Variants in FANCB observed in about 807,000 individuals in gnomAD.
The protein encoded by FANCB is FA complementation group B.
In FANCB, 5 loss-of-function variants were observed where a neutral mutation model predicts 38.9. That is an observed-to-expected ratio of 0.13 (90% confidence interval 0.07 to 0.27). FANCB has a LOEUF of 0.27. FANCB is among the 10% of genes least tolerant of loss of function. The probability of loss-of-function intolerance (pLI) is 1.00; values close to 1 mark genes in which losing one functional copy is unlikely to be tolerated. For synonymous variants in FANCB, 236 were observed against 215.4 expected (o/e 1.10, Z -0.84); for missense variants, 573 against 602.7 (o/e 0.95, Z 0.52).
rs751885600 is a variant in FANCB at position 14,844,949 on chromosome X, C to T, written c.1834G>A (p.Asp612Asn). The T allele has an allele frequency of 8.3e-7, 1 of 1,203,829 alleles. No homozygotes were observed. The highest frequency in any genetic ancestry group is 2.2e-5 in the Admixed American group (1 of 45,532). Residue 612 changes from aspartate to asparagine, a missense_variant, in exon 8 of 10, where the codon GAT becomes AAT. By Grantham distance (23) the Asp-to-Asn change is conservative (BLOSUM62 1). Transcript: ENST00000650831. Reference sequence around the variant, plus strand: ...ACTCTGCCACACACAACATAACGATCTTTAGGACAGTTACCACTTTCTCTC... The same window carrying T: ...ACTCTGCCACACACAACATAACGATTTTTAGGACAGTTACCACTTTCTCTC... ...MERESGNCPK[D>N]RYVVCGRVFL... is the part of the protein sequence containing the mutation.
chrX:14,855,757 T>C (rs922452442), intron 5 of FANCB, among the ~76,000 whole-genome samples: 4 of 112,211 alleles, frequency 3.6e-5, no homozygotes, highest in Non-Finnish European at 5.6e-5. Flanking sequence ...TTATGAGGGC[T>C]AGGATGAATG....
the FANCB span, among the ~76,000 whole-genome samples, chrX:14,798,414 G>A: frequency 1.8e-5 from 2 of 111,145 alleles, no homozygotes; most frequent in African/African-American, 6.5e-5. Context: ...CACCCGCCTC[G>A]GCCTCCCAAA....
At chrX:14,735,730 A>G in the FANCB span, among the ~76,000 whole-genome samples, 1 of 112,565 alleles carries the variant, frequency 8.9e-6, no homozygotes, top group Non-Finnish European at 1.9e-5. Flanking sequence ...CCACTTGAGG[A>G]GGCAGTCTGT....
the FANCB span, among the ~76,000 whole-genome samples, chrX:14,709,949 G>C: frequency 1.8e-5 from 2 of 111,887 alleles, no homozygotes; most frequent in Non-Finnish European, 3.8e-5. Flanking sequence ...AGAGAAAGCA[G>C]GTTTATAGTT....
chrX:14,808,241 C>T, the FANCB span, among the ~76,000 whole-genome samples: 8 of 111,453 alleles, frequency 7.2e-5, no homozygotes, highest in Non-Finnish European at 1.5e-4. Flanking sequence ...GATACCAAAA[C>T]CAGAAAAAGA....
chrX:14,746,474 A>C, the FANCB span, among the ~76,000 whole-genome samples: 1 of 112,538 alleles, frequency 8.9e-6, no homozygotes, highest in Non-Finnish European at 1.9e-5. Flanking sequence ...TATTGATTTC[A>C]GGAAAGCCTT....
At chrX:14,722,969 A>T in the FANCB span, among the ~76,000 whole-genome samples, 1 of 112,923 alleles carries the variant, frequency 8.9e-6, no homozygotes, top group Non-Finnish European at 1.9e-5. Flanking sequence ...ATTTAAAAGA[A>T]TAATTTTAAC....
At chrX:14,691,684 T>C in the FANCB span, among the ~76,000 whole-genome samples, 1 of 111,846 alleles carries the variant, frequency 8.9e-6, no homozygotes, top group East Asian at 2.8e-4. Context: ...CAGGCAATTC[T>C]GGTGTGCAGA....
chrX:14,812,806 C>G, the FANCB span, among the ~76,000 whole-genome samples: 1 of 111,546 alleles, frequency 9.0e-6, no homozygotes, highest in Non-Finnish European at 1.9e-5. Flanking sequence ...TCCTCCCTCA[C>G]TCATTTTATG....
chrX:14,813,354 T>C, the FANCB span, among the ~76,000 whole-genome samples: 9 of 108,654 alleles, frequency 8.3e-5, no homozygotes, highest in African/African-American at 3.0e-4. Flanking sequence ...GGTATTCAAT[T>C]AGGAAAAGAG....
the FANCB span, among the ~76,000 whole-genome samples, chrX:14,756,123 A>G: frequency 3.6e-4 from 40 of 112,326 alleles, no homozygotes; most frequent in Non-Finnish European, 4.7e-4. Flanking sequence ...GAATGTCCAC[A>G]TGCAGAAAAA....
In FANCB at chrX:14,846,256, C is replaced by T. The variant is rs778525782; in HGVS notation, c.1497-970G>A. 1.1e-4 allele frequency among the ~76,000 whole-genome samples: 12 copies of T among 111,267 alleles called. No individual in the cohort carries two copies. The South Asian group carries it at 2.2e-3, about 21-fold the overall frequency. ...TGGTGATAAGTAAAAACCTGAAGTCCTTAATCTGAATTGGACGTATCAGCA... is the reference window on the plus strand; with the variant it reads ...TGGTGATAAGTAAAAACCTGAAGTCTTTAATCTGAATTGGACGTATCAGCA... On this transcript the variant is annotated intron_variant, in intron 7 of 9. Coordinates refer to ENST00000650831, the MANE Select transcript of FANCB (RefSeq NM_001018113.3).
chrX:14,797,927 T>C, the FANCB span, among the ~76,000 whole-genome samples: 1 of 110,442 alleles, frequency 9.1e-6, no homozygotes, highest in Non-Finnish European at 1.9e-5. Flanking sequence ...TAGCCAAGTG[T>C]TTCCTCTATC....
chrX:14,813,868 G>C, the FANCB span, among the ~76,000 whole-genome samples: 1 of 111,560 alleles, frequency 9.0e-6, no homozygotes, highest in Non-Finnish European at 1.9e-5. Context: ...GCATTGCCAA[G>C]ACAATCCTAA....
chrX:14,830,278 T>C, the FANCB span, among the ~76,000 whole-genome samples: 4 of 111,812 alleles, frequency 3.6e-5, no homozygotes, highest in Non-Finnish European at 7.5e-5. Context: ...TGAACAAGTT[T>C]GAAATATTGC....
the FANCB span, among the ~76,000 whole-genome samples, chrX:14,767,037 T>C: frequency 8.9e-6 from 1 of 112,474 alleles, no homozygotes; most frequent in Non-Finnish European, 1.9e-5. Flanking sequence ...TTCCTTTTTA[T>C]GGCTGCATAC....
chrX:14,697,168 A>G, the FANCB span, among the ~76,000 whole-genome samples: 1 of 111,791 alleles, frequency 8.9e-6, no homozygotes, highest in East Asian at 2.8e-4. Flanking sequence ...GATACTTTAC[A>G]TATAGTAATT....
chrX:14,725,355 T>C, the FANCB span, among the ~76,000 whole-genome samples: 1 of 110,998 alleles, frequency 9.0e-6, no homozygotes, highest in Non-Finnish European at 1.9e-5. Flanking sequence ...GCTTGGGAGA[T>C]TTTTTCAGTG....
At chrX:14,820,764 A>G in the FANCB span, among the ~76,000 whole-genome samples, 1 of 111,774 alleles carries the variant, frequency 8.9e-6, no homozygotes, top group African/African-American at 3.2e-5. Flanking sequence ...TCTTTATAAA[A>G]AAAATTGTAT....
Sources: gnomAD v4.1 joint callset for allele counts (sites outside exome capture counted in the v4.1 genomes callset) on GRCh38, gnomAD v4.1.1 for gene constraint, MANE v1.5 for transcripts, NCBI Gene and HGNC (gene_info 2026-07-23, HGNC 2026-07-21) for gene names.